GALNT13: variants seen among roughly 807,000 people sequenced by gnomAD.
GALNT13 encodes the protein polypeptide N-acetylgalactosaminyltransferase 13, also known as UDP-GalNAc:polypeptide N-acetylgalactosaminyltransferase 13.
GALNT13 carries 28 observed loss-of-function variants against 64.2 expected under a neutral mutation model. That is an observed-to-expected ratio of 0.44 (90% CI 0.32 to 0.60). The LOEUF (loss-of-function observed/expected upper bound fraction) is 0.60. GALNT13 is among the 20% of genes least tolerant of loss of function. The pLI is 0.05. For missense variants in GALNT13, 577 were observed against 669.8 expected, an observed-to-expected ratio of 0.86 and a Z score of 1.53; for synonymous variants, 214 against 224.6, an observed-to-expected ratio of 0.95 and a Z score of 0.42.
At chr2:153,669,412 T>C in the GALNT13 span, among the ~76,000 whole-genome samples, 1 of 152,232 alleles carries the variant, frequency 6.6e-6, no homozygotes, top group Non-Finnish European at 1.5e-5. Flanking sequence ...TTATGCTTAT[T>C]ACATTGGTGA....
At chr2:154,140,931 A>C (rs748540076) in intron 4 of GALNT13, among the ~76,000 whole-genome samples, 1 of 152,156 alleles carries the variant, frequency 6.6e-6, no homozygotes, top group African/African-American at 2.4e-5. Context: ...ACACAAACCT[A>C]TATGGTATAG....
chr2:154,343,519 C>G (rs1385810240), intron 9 of GALNT13, among the ~76,000 whole-genome samples: 3 of 151,970 alleles, frequency 2.0e-5, no homozygotes, highest in Non-Finnish European at 2.9e-5. Flanking sequence ...GCTTTTATTT[C>G]TTAAAGAGTA....
the GALNT13 span, among the ~76,000 whole-genome samples, chr2:153,636,755 T>C: frequency 6.6e-6 from 1 of 152,132 alleles, no homozygotes; most frequent in Non-Finnish European, 1.5e-5. Flanking sequence ...CATGTTCAAA[T>C]ATTTGTTCCT....
chr2:153,712,050 G>A, the GALNT13 span, among the ~76,000 whole-genome samples: 2 of 152,050 alleles, frequency 1.3e-5, no homozygotes, highest in African/African-American at 4.8e-5. Context: ...TTGGGTTTGT[G>A]ATCTTTTTTA....
chr2:153,902,820 A>G (rs1459196606), intron 2 of GALNT13, among the ~76,000 whole-genome samples: 1 of 152,120 alleles, frequency 6.6e-6, no homozygotes, highest in Non-Finnish European at 1.5e-5. Flanking sequence ...TGAGAGAGGC[A>G]TCATTTAAGC....
At chr2:153,697,620 C>A in the GALNT13 span, among the ~76,000 whole-genome samples, 5 of 152,148 alleles carry the variant, frequency 3.3e-5, no homozygotes, top group Non-Finnish European at 7.3e-5. Flanking sequence ...ATTCAAGAAG[C>A]AGTGAGAATG....
chr2:153,192,847 TA>T, the GALNT13 span, among the ~76,000 whole-genome samples: 15 of 152,162 alleles, frequency 9.9e-5, no homozygotes, highest in African/African-American at 3.6e-4. Flanking sequence ...TTGCATAGAA[TA>T]TTTTTTCCAT....
chr2:153,174,418 AAC>A, the GALNT13 span, among the ~76,000 whole-genome samples: 1,031 of 152,080 alleles, frequency 6.8e-3, 9 homozygotes, highest in African/African-American at 0.023. Context: ...CTCCTGAGCA[AAC>A]AGTTTTCCAG....
At chr2:154,101,802 T>C (rs1702361990) in intron 3 of GALNT13, among the ~76,000 whole-genome samples, 1 of 152,122 alleles carries the variant, frequency 6.6e-6, no homozygotes, top group African/African-American at 2.4e-5. Context: ...ATTCTTAGTA[T>C]TGCTTTTGCT....
chr2:154,009,636 G>A (rs1037524515), intron 3 of GALNT13, among the ~76,000 whole-genome samples: 2 of 151,666 alleles, frequency 1.3e-5, no homozygotes, highest in Non-Finnish European at 2.9e-5. Flanking sequence ...GACTACATGT[G>A]CCACCACCAT....
At chr2:154,206,548 A>G (rs1236856634) in intron 4 of GALNT13, among the ~76,000 whole-genome samples, 1 of 151,888 alleles carries the variant, frequency 6.6e-6, no homozygotes, top group Non-Finnish European at 1.5e-5. Flanking sequence ...TAAACCTAGC[A>G]CTTTGGGAGG....
the GALNT13 span, among the ~76,000 whole-genome samples, chr2:153,747,690 G>A: frequency 6.6e-6 from 1 of 151,980 alleles, no homozygotes; most frequent in Non-Finnish European, 1.5e-5. Context: ...GCCTCCCAAA[G>A]TGCTGGGATT....
chr2:154,043,232 G>A (rs1699083135), intron 3 of GALNT13, among the ~76,000 whole-genome samples: 1 of 151,804 alleles, frequency 6.6e-6, no homozygotes, highest in Admixed American at 6.6e-5. Context: ...AAGTCACTGT[G>A]CTGGTCCATA....
At chr2:153,860,951 A>G in the GALNT13 span, among the ~76,000 whole-genome samples, 7 of 152,164 alleles carry the variant, frequency 4.6e-5, no homozygotes, top group African/African-American at 1.7e-4. Flanking sequence ...CTAAGTTAGG[A>G]TCATTACTGA....
intron 3 of GALNT13, among the ~76,000 whole-genome samples, chr2:154,084,453 A>G (rs1701427324): frequency 2.0e-5 from 3 of 151,888 alleles, no homozygotes; most frequent in Admixed American, 1.3e-4. Context: ...AGGTAAGCCT[A>G]CTAAATTTTA....
intron 3 of GALNT13, among the ~76,000 whole-genome samples, chr2:153,974,102 T>G (rs1338644137): frequency 6.6e-6 from 1 of 152,040 alleles, no homozygotes; most frequent in East Asian, 1.9e-4. Context: ...CTACCAATCT[T>G]TTCTCCACAC....
Position 154,390,940 on chromosome 2 carries a change from G to T in GALNT13, c.1157-5051G>T, listed in dbSNP as rs115091036. 4.0e-3 allele frequency among the ~76,000 whole-genome samples: 609 copies of T among 152,228 alleles called. 10 individuals are homozygous for T. In the South Asian group the frequency reaches 0.044, roughly 11 times the overall value. On this transcript the variant is annotated intron_variant, in intron 9 of 12. Coordinates refer to ENST00000392825, the MANE Select transcript of GALNT13 (RefSeq NM_052917.4). ...AAACTCCATGGAGGAAGATAATTTTGTTTTGTTCACAGATATATCCCAAGT... is the reference window on the plus strand; with the variant it reads ...AAACTCCATGGAGGAAGATAATTTTTTTTTGTTCACAGATATATCCCAAGT...
Position 154,314,279 on chromosome 2 carries a change from A to G in GALNT13, c.1156+12690A>G, listed in dbSNP as rs572731255. The stretch of plus-strand genomic sequence containing the variant: ...ACTAAATTTCAATTCTAATTTCTTA[A>G]CAAAATTGAAGAGATCACTCTGACA... On this transcript the variant is annotated intron_variant, in intron 9 of 12. Transcript: ENST00000392825. 2.6e-5 allele frequency among the ~76,000 whole-genome samples: 4 copies of G among 152,278 alleles called. No homozygotes were observed. The South Asian group carries it at 8.3e-4, about 32-fold the overall frequency.
At chr2:153,541,957 A>T in the GALNT13 span, among the ~76,000 whole-genome samples, 1 of 152,136 alleles carries the variant, frequency 6.6e-6, no homozygotes, top group Admixed American at 6.6e-5. Flanking sequence ...TTTTAAATGA[A>T]CCTTCAAAGG....
Sources: gnomAD v4.1 joint callset for allele counts (sites outside exome capture counted in the v4.1 genomes callset) on GRCh38, gnomAD v4.1.1 for gene constraint, MANE v1.5 for transcripts, NCBI Gene and HGNC (gene_info 2026-07-23, HGNC 2026-07-21) for gene names.